Variants in PCDH1 observed in about 807,000 individuals in gnomAD.
PCDH1 encodes the protein protocadherin-1.
PCDH1 carries 23 observed loss-of-function variants against 74.6 expected under a neutral mutation model. That is an observed-to-expected ratio of 0.31 (90% CI 0.22 to 0.44). PCDH1 has a LOEUF of 0.44. Among genes scored for constraint, PCDH1 ranks in the 20% least tolerant of loss-of-function variants. The probability of loss-of-function intolerance (pLI) is 1.00; values close to 1 mark genes in which losing one functional copy is unlikely to be tolerated. For synonymous variants in PCDH1, 647 were observed against 686.1 expected, an observed-to-expected ratio of 0.94 and a Z score of 0.89; for missense variants, 1,214 against 1,641.4, an observed-to-expected ratio of 0.74 and a Z score of 4.50.
At position 141,864,012 on chromosome 5, in the gene PCDH1, G is replaced by A; in HGVS notation, c.2319C>T (p.Ala773=). 1.2e-6 allele frequency: 2 copies of A among 1,614,078 alleles called. No individual in the cohort carries two copies. The highest frequency in any genetic ancestry group is 8.5e-7 in the Non-Finnish European group (1 of 1,180,012). ...GLFQIGSHSG[A]ITLEKEIERR... is the part of the protein sequence containing the mutation. ...GCTCAATCTCCTTCTCCAGGGTGAT[G>A]GCACCTGAATGTGACCCAATCTGGA... Residue 773 remains alanine, a synonymous_variant, in exon 3 of 5, where the codon GCC becomes GCT. Transcript: ENST00000287008. The surrounding 1 kb of genome is among the most constrained non-coding windows in gnomAD (Gnocchi z 5.9).
intron 1 of PCDH1, among the ~76,000 whole-genome samples, chr5:141,872,990 T>C (rs1320841852): frequency 6.6e-6 from 1 of 152,154 alleles, no homozygotes; most frequent in African/African-American, 2.4e-5. Flanking sequence ...GAGGATTATC[T>C]GGCCCCACCC....
At chr5:141,872,404 TCTCTC>T (rs1259145232) in intron 1 of PCDH1, among the ~76,000 whole-genome samples, 2 of 152,224 alleles carry the variant, frequency 1.3e-5, no homozygotes, top group Non-Finnish European at 2.9e-5. Context: ...TTGCCTCTGT[TCTCTC>T]CAGATCGAGG....
intron 1 of PCDH1, among the ~76,000 whole-genome samples, chr5:141,875,596 A>T (rs1373959451): frequency 2.6e-5 from 4 of 151,840 alleles, no homozygotes; most frequent in Admixed American, 2.6e-4. Flanking sequence ...CTGCAGAAGT[A>T]GCCACAGCAG....
rs1409762174 is a variant in PCDH1, at chr5:141,868,511, T to G, written c.903+58A>C. The G allele has an allele frequency of 6.6e-7, 1 of 1,511,700 alleles. No individual in the cohort carries two copies. Among genetic ancestry groups the G allele is most frequent in the Non-Finnish European group, 8.8e-7 (1 of 1,132,138 alleles). The allele number at this position is 1,511,700 out of a possible 1,614,324, so 93.6% of individuals were successfully genotyped here. On this transcript the variant is annotated intron_variant, in intron 2 of 4. Transcript: ENST00000287008. The surrounding 1 kb of genome is among the most constrained non-coding windows in gnomAD (Gnocchi z 4.8). ...TGAAGGGAACTCTCACCTGGTTGGG[T>G]GGGCTCCCATTTCTAGTGGTGGGTC...
intron 3 of PCDH1, among the ~76,000 whole-genome samples, chr5:141,861,568 A>G (rs1357025598): frequency 6.6e-6 from 1 of 152,172 alleles, no homozygotes; most frequent in Non-Finnish European, 1.5e-5. Context: ...GGAGATCACG[A>G]TATGGTTAGA....
chr5:141,856,236 C>T (rs1036618436), intron 4 of PCDH1: 2 of 1,535,582 alleles, frequency 1.3e-6, no homozygotes, highest in African/African-American at 1.4e-5. Context: ...GGCACTCTGC[C>T]TCAGGGCCTG....
At chr5:141,859,511 C>G (rs1752486290) in intron 3 of PCDH1, among the ~76,000 whole-genome samples, 1 of 152,156 alleles carries the variant, frequency 6.6e-6, no homozygotes, top group African/African-American at 2.4e-5. Context: ...GCCTACTGGC[C>G]CTTAAGATTC....
intron 2 of PCDH1, among the ~76,000 whole-genome samples, chr5:141,866,431 A>G (rs1286252123): frequency 6.6e-6 from 1 of 152,210 alleles, no homozygotes; most frequent in Non-Finnish European, 1.5e-5. Flanking sequence ...ATGGTTGGTA[A>G]TGGGGAAGAG....
Position 141,863,203 on chromosome 5 carries a change from G to A in PCDH1, c.3099+29C>T, listed in dbSNP as rs142669127. Reference sequence around the variant, plus strand: ...GTGGTAGGGGTGGGGTAGGGGCTGGGGTGTGCTGAGCTGAAAGGGCTGGCC... The same window carrying A: ...GTGGTAGGGGTGGGGTAGGGGCTGGAGTGTGCTGAGCTGAAAGGGCTGGCC... On this transcript the variant is annotated intron_variant, in intron 3 of 4. Coordinates refer to ENST00000287008, the MANE Select transcript of PCDH1 (RefSeq NM_032420.5). The surrounding 1 kb of genome is among the most constrained non-coding windows in gnomAD (Gnocchi z 7.5). 52 of 1,555,954 alleles carry A rather than the reference G, an allele frequency of 3.3e-5. No homozygotes were observed. Among genetic ancestry groups the A allele is most frequent in the South Asian group, 3.1e-4 (25 of 80,054 alleles).
Position 141,853,975 on chromosome 5 carries a change from C to T in PCDH1, c.*67G>A. The stretch of plus-strand genomic sequence containing the variant: ...ACGCTGAAGGGGTGGAGAGTGAGGC[C>T]CTGGAATGGGCCATTTGGGAGCTGG... On this transcript the variant is annotated 3_prime_UTR_variant, in exon 5 of 5. Transcript: ENST00000287008. The T allele has an allele frequency of 2.9e-6, 4 of 1,380,864 alleles. No homozygotes were observed. The highest frequency in any genetic ancestry group is 3.9e-6 in the Non-Finnish European group (4 of 1,036,622). The allele number at this position is 1,380,864 out of a possible 1,614,324, so 85.5% of individuals were successfully genotyped here.
At chr5:141,866,340 G>T in intron 2 of PCDH1, 1 of 572,362 alleles carries the variant, frequency 1.7e-6, no homozygotes, top group East Asian at 1.4e-4. Flanking sequence ...ATCAAACAAT[G>T]AACTGTCTGT....
rs748615391 is a variant in PCDH1, at chr5:141,868,685, T to C, written c.787A>G (p.Ser263Gly). 11 of 1,613,528 alleles carry C rather than the reference T, an allele frequency of 6.8e-6. No homozygotes were observed. The highest frequency in any genetic ancestry group is 9.3e-6 in the Non-Finnish European group (11 of 1,179,720). Residue 263 changes from serine to glycine, a missense_variant, in exon 2 of 5, where the codon AGT (serine) becomes GGT (glycine). Transcript: ENST00000287008. The surrounding 1 kb of genome is among the most constrained non-coding windows in gnomAD (Gnocchi z 4.8). Reference sequence around the variant, plus strand: ...AGCACGGTGACACGCAGCAGGGCACTGCTGGCGCGTGGGGGGCTGCCGCCA... The same window carrying C: ...AGCACGGTGACACGCAGCAGGGCACCGCTGGCGCGTGGGGGGCTGCCGCCA... ...QDGGSPPRAS[S>G]ALLRVTVLDT...
intron 3 of PCDH1, among the ~76,000 whole-genome samples, chr5:141,858,521 C>T (rs1364463119): frequency 6.6e-6 from 1 of 152,038 alleles, no homozygotes; most frequent in East Asian, 1.9e-4. Context: ...GACTGGGGGT[C>T]GGGGGAGTGG....
chr5:141,871,681 TC>T (rs1444103434), intron 1 of PCDH1, among the ~76,000 whole-genome samples: 1 of 152,234 alleles, frequency 6.6e-6, no homozygotes, highest in Non-Finnish European at 1.5e-5. Context: ...CTGTCTTTGC[TC>T]CAAGATGGTG....
At chr5:141,860,392 G>T (rs908353928) in intron 3 of PCDH1, among the ~76,000 whole-genome samples, 3 of 151,516 alleles carry the variant, frequency 2.0e-5, no homozygotes, top group Non-Finnish European at 4.4e-5. Context: ...CACGACTGTA[G>T]TCCCAGCTAC....
Position 141,865,149 on chromosome 5 carries a change from T to C in PCDH1, c.1182A>G (p.Leu394=). 1 of 1,614,142 alleles carries C rather than the reference T, an allele frequency of 6.2e-7. No homozygotes were observed. The highest frequency in any genetic ancestry group is 8.5e-7 in the Non-Finnish European group (1 of 1,180,020). ...APTIEIRGIG[L]VTHQDGMANI... ...TAGCCATCCCATCTTGATGAGTCAC[T>C]AGCCCTATGCCCCGGATCTCAATGG... Residue 394 remains leucine, a synonymous_variant, in exon 3 of 5, where the codon CTA becomes CTG. Coordinates refer to ENST00000287008, the MANE Select transcript of PCDH1 (RefSeq NM_032420.5). The surrounding 1 kb of genome is among the most constrained non-coding windows in gnomAD (Gnocchi z 4.4).
Position 141,869,324 on chromosome 5 carries a change from G to A in PCDH1, c.148C>T (p.Leu50=), listed in dbSNP as rs752760337. The A allele has an allele frequency of 1.9e-6, 3 of 1,598,396 alleles. No homozygotes were observed. The East Asian group carries it at 6.8e-5, about 36-fold the overall frequency. ...PSMLLALLLL[L]APSPGHATRV... ...GTGGCGTGGCCTGGGGATGGAGCCA[G>A]CAGGAGCAGCAGTGCTAGCAGCATG... Residue 50 remains leucine, a synonymous_variant, in exon 2 of 5, where the codon CTG becomes TTG. Transcript: ENST00000287008. This position sits in a 1 kb window ranked among gnomAD's most constrained non-coding sequence, Gnocchi z 4.9.
At chr5:141,861,181 T>C (rs149365639) in intron 3 of PCDH1, among the ~76,000 whole-genome samples, 239 of 148,986 alleles carry the variant, frequency 1.6e-3, no homozygotes, top group African/African-American at 5.6e-3. Context: ...ATGGAATAAG[T>C]TGGGAAAAGC....
intron 1 of PCDH1, among the ~76,000 whole-genome samples, chr5:141,872,438 C>G (rs1023985877): frequency 6.6e-6 from 1 of 152,240 alleles, no homozygotes; most frequent in Non-Finnish European, 1.5e-5. Flanking sequence ...GATAGTTAAT[C>G]TTCTGTGGTC....
Sources: allele counts gnomAD v4.1 joint callset (sites outside exome capture counted in the v4.1 genomes callset), GRCh38; gene constraint gnomAD v4.1.1; non-coding constraint Gnocchi (gnomAD v3.1); transcripts MANE v1.5; gene names NCBI Gene and HGNC (gene_info 2026-07-23, HGNC 2026-07-21).